The following ATXN1 variants were observed in gnomAD, a reference collection of about 807,000 sequenced individuals.
ATXN1 encodes ataxin-1.
ATXN1 carries 8 observed loss-of-function variants against 56.4 expected under a neutral mutation model. The observed-to-expected ratio is 0.14, with a 90% CI of 0.08 to 0.26. The LOEUF is 0.26. ATXN1 is among the 10% of genes least tolerant of loss of function. The probability of loss-of-function intolerance (pLI) is 1.00; values close to 1 mark genes in which losing one functional copy is unlikely to be tolerated. For missense variants in ATXN1, 987 were observed against 1,106.5 expected (o/e 0.89, Z 1.53); for synonymous variants, 514 against 494.6 (o/e 1.04, Z -0.52).
intron 3 of ATXN1, among the ~76,000 whole-genome samples, chr6:16,612,902 A>AG (rs1763136973): frequency 6.6e-6 from 1 of 151,696 alleles, no homozygotes; most frequent in African/African-American, 2.4e-5. Context: ...AAAAAAAAAA[A>AG]AAGAAAGGGA....
At chr6:16,759,661 C>T (rs1457420766) in intron 1 of ATXN1, among the ~76,000 whole-genome samples, 3 of 151,084 alleles carry the variant, frequency 2.0e-5, no homozygotes, top group African/African-American at 7.3e-5. Flanking sequence ...AGAGCAGCCA[C>T]GGGCTCGAAC....
chr6:16,442,880 C>G (rs529339517), intron 6 of ATXN1, among the ~76,000 whole-genome samples: 4 of 152,068 alleles, frequency 2.6e-5, no homozygotes, highest in Non-Finnish European at 5.9e-5. Flanking sequence ...GTCGTGGTGG[C>G]GCACACCTGT....
chr6:16,619,607 A>G (rs1763281676), intron 3 of ATXN1, among the ~76,000 whole-genome samples: 1 of 152,222 alleles, frequency 6.6e-6, no homozygotes. Context: ...AAAAATGTTC[A>G]TATTTATCGT....
chr6:16,692,626 T>G (rs79465246), intron 2 of ATXN1, among the ~76,000 whole-genome samples: 2,130 of 149,864 alleles, frequency 0.014, 29 homozygotes, highest in Middle Eastern at 0.027. Context: ...TAAATAATAA[T>G]AAGAAGAAGA....
chr6:16,499,359 G>C (rs1248590247), intron 5 of ATXN1, among the ~76,000 whole-genome samples: 2 of 151,944 alleles, frequency 1.3e-5, no homozygotes, highest in African/African-American at 4.8e-5. Flanking sequence ...TAATTTTCTG[G>C]CTTTTGGTTA....
intron 3 of ATXN1, among the ~76,000 whole-genome samples, chr6:16,616,993 A>G (rs966314189): frequency 1.6e-4 from 25 of 152,084 alleles, no homozygotes; most frequent in Non-Finnish European, 2.8e-4. Context: ...GTTAATCTCT[A>G]ATTTATACAT....
At chr6:16,393,624 T>A (rs970700055) in intron 6 of ATXN1, among the ~76,000 whole-genome samples, 2 of 152,242 alleles carry the variant, frequency 1.3e-5, no homozygotes, top group Non-Finnish European at 2.9e-5. Context: ...ATATGACCAG[T>A]GTGTCTGAAT....
chr6:16,453,002 C>T (rs1328672436), intron 6 of ATXN1, among the ~76,000 whole-genome samples: 1 of 152,106 alleles, frequency 6.6e-6, no homozygotes, highest in Non-Finnish European at 1.5e-5. Context: ...CATTTGCATC[C>T]AGACAACATG....
chr6:16,366,394 G>A (rs1014138619), intron 6 of ATXN1, among the ~76,000 whole-genome samples: 4 of 152,074 alleles, frequency 2.6e-5, no homozygotes, highest in Non-Finnish European at 5.9e-5. Context: ...ACAATCAGAA[G>A]CAGGAATGAA....
chr6:16,309,347 T>G (rs1760333297), intron 7 of ATXN1, among the ~76,000 whole-genome samples: 1 of 151,902 alleles, frequency 6.6e-6, no homozygotes, highest in Non-Finnish European at 1.5e-5. Flanking sequence ...GCTTTCCAGT[T>G]GAATAGACAT....
chr6:16,539,646 T>C (rs1761674003), intron 4 of ATXN1, among the ~76,000 whole-genome samples: 1 of 152,130 alleles, frequency 6.6e-6, no homozygotes, highest in Admixed American at 6.5e-5. Context: ...CTCACACCGA[T>C]TTACCTTTAA....
intron 6 of ATXN1, among the ~76,000 whole-genome samples, chr6:16,348,239 CTT>C (rs1455622012): frequency 7.2e-5 from 11 of 152,114 alleles, no homozygotes; most frequent in Admixed American, 1.3e-4. Context: ...ACATTTTAAA[CTT>C]TTTTATTCAG....
At chr6:16,341,260 G>A (rs1049404464) in intron 6 of ATXN1, among the ~76,000 whole-genome samples, 5 of 152,172 alleles carry the variant, frequency 3.3e-5, no homozygotes, top group African/African-American at 1.2e-4. Context: ...TGTATCAGTG[G>A]CAGCAGCTCT....
intron 6 of ATXN1, among the ~76,000 whole-genome samples, chr6:16,437,096 A>C (rs77500907): frequency 6.6e-6 from 1 of 152,224 alleles, no homozygotes; most frequent in Admixed American, 6.5e-5. Context: ...GTTAAGAGAC[A>C]GTGGGATATG....
At chr6:16,605,296 T>C (rs1396715113) in intron 3 of ATXN1, among the ~76,000 whole-genome samples, 2 of 152,208 alleles carry the variant, frequency 1.3e-5, no homozygotes, top group Non-Finnish European at 2.9e-5. Flanking sequence ...GGAGCTAGAA[T>C]GGACCTTGAG....
At chr6:16,542,004 T>A (rs995413513) in intron 4 of ATXN1, among the ~76,000 whole-genome samples, 1 of 152,160 alleles carries the variant, frequency 6.6e-6, no homozygotes, top group Admixed American at 6.5e-5. Context: ...TGGGAATAAA[T>A]TGATAGGTGT....
chr6:16,686,122 G>A (rs1758912708), intron 2 of ATXN1, among the ~76,000 whole-genome samples: 1 of 151,940 alleles, frequency 6.6e-6, no homozygotes, highest in Non-Finnish European at 1.5e-5. Flanking sequence ...TTGTCTTTTC[G>A]CTTCCTGATA....
At chr6:16,748,694 T>C (rs1387650519) in intron 2 of ATXN1, among the ~76,000 whole-genome samples, 1 of 152,206 alleles carries the variant, frequency 6.6e-6, no homozygotes, top group South Asian at 2.1e-4. Flanking sequence ...ATTAAATAAT[T>C]GCAGACAAGA....
intron 6 of ATXN1, among the ~76,000 whole-genome samples, chr6:16,412,640 G>T (rs1173985271): frequency 6.6e-6 from 1 of 152,166 alleles, no homozygotes; most frequent in Non-Finnish European, 1.5e-5. Flanking sequence ...TGCCGCTCAA[G>T]GAGCTAATTA....
Sources: allele counts gnomAD v4.1 joint callset (sites outside exome capture counted in the v4.1 genomes callset), GRCh38; gene constraint gnomAD v4.1.1; transcripts MANE v1.5; gene names NCBI Gene and HGNC (gene_info 2026-07-23, HGNC 2026-07-21).